The following AGBL4 variants were observed in gnomAD, a reference collection of about 807,000 sequenced individuals.
AGBL4 encodes cytosolic carboxypeptidase 6.
AGBL4 carries 58 observed loss-of-function variants against 66.4 expected under a neutral mutation model. The observed-to-expected ratio is 0.87, with a 90% confidence interval of 0.71 to 1.09. AGBL4 has a LOEUF of 1.09. AGBL4 is among the 50% of genes least tolerant of loss of function. The probability of loss-of-function intolerance (pLI) is 0.00; values close to 1 mark genes in which losing one functional copy is unlikely to be tolerated. For synonymous variants in AGBL4, 234 were observed against 222.9 expected (o/e 1.05, Z -0.44); for missense variants, 579 against 631.0 (o/e 0.92, Z 0.88).
chr1:49,411,488 C>T (rs1645314035), intron 3 of AGBL4, among the ~76,000 whole-genome samples: 1 of 152,130 alleles, frequency 6.6e-6, no homozygotes, highest in Non-Finnish European at 1.5e-5. Flanking sequence ...TCTAGGCATC[C>T]TTCAATCCAA....
intron 4 of AGBL4, among the ~76,000 whole-genome samples, chr1:49,055,164 A>G (rs1644287273): frequency 6.6e-6 from 1 of 151,976 alleles, no homozygotes; most frequent in Non-Finnish European, 1.5e-5. Context: ...TTAATTGTAC[A>G]TTTATATGTT....
At chr1:49,396,922 G>A (rs181348840) in intron 3 of AGBL4, among the ~76,000 whole-genome samples, 44 of 152,270 alleles carry the variant, frequency 2.9e-4, no homozygotes, top group African/African-American at 9.9e-4. Context: ...GACCAGTTTC[G>A]TGGGAGACAA....
At chr1:49,847,944 G>A (rs779798232) in intron 2 of AGBL4, among the ~76,000 whole-genome samples, 4 of 152,112 alleles carry the variant, frequency 2.6e-5, no homozygotes, top group East Asian at 1.9e-4. Flanking sequence ...CTCGTGATCC[G>A]CCCGCCTGGG....
chr1:48,531,067 G>A (rs1195585127), downstream of AGBL4, among the ~76,000 whole-genome samples: 2 of 152,140 alleles, frequency 1.3e-5, no homozygotes, highest in Non-Finnish European at 2.9e-5. Flanking sequence ...AAGCTAAGCA[G>A]GCCAAGACCA....
At chr1:48,861,804 A>G (rs1647498617) in intron 6 of AGBL4, among the ~76,000 whole-genome samples, 1 of 152,236 alleles carries the variant, frequency 6.6e-6, no homozygotes, top group African/African-American at 2.4e-5. Flanking sequence ...GGGAGTAGCC[A>G]GAATGAATAT....
intron 6 of AGBL4, among the ~76,000 whole-genome samples, chr1:48,697,227 A>G (rs1646725877): frequency 1.3e-5 from 2 of 152,208 alleles, no homozygotes. Context: ...ATCTTTGGAC[A>G]TCACCAAAGC....
chr1:49,144,157 G>C (rs959044522), intron 4 of AGBL4, among the ~76,000 whole-genome samples: 1 of 152,112 alleles, frequency 6.6e-6, no homozygotes, highest in African/African-American at 2.4e-5. Context: ...CTGTTAACTT[G>C]CTCTATCCTA....
chr1:49,711,681 C>G (rs994301585), intron 2 of AGBL4, among the ~76,000 whole-genome samples: 1 of 151,964 alleles, frequency 6.6e-6, no homozygotes, highest in African/African-American at 2.4e-5. Context: ...CAAAATACAT[C>G]AAATTTTACA....
intron 2 of AGBL4, among the ~76,000 whole-genome samples, chr1:49,813,619 C>T (rs967716105): frequency 4.6e-5 from 7 of 152,016 alleles, no homozygotes; most frequent in Admixed American, 1.3e-4. Flanking sequence ...CCATTATGTA[C>T]AAAACACTGT....
intron 4 of AGBL4, among the ~76,000 whole-genome samples, chr1:49,154,996 A>G (rs1238376382): frequency 6.6e-6 from 1 of 152,170 alleles, no homozygotes; most frequent in Non-Finnish European, 1.5e-5. Flanking sequence ...TGCCCATCTG[A>G]TGCTAAACAT....
intron 2 of AGBL4, among the ~76,000 whole-genome samples, chr1:49,776,714 T>A (rs1317904489): frequency 6.6e-6 from 1 of 152,138 alleles, no homozygotes; most frequent in African/African-American, 2.4e-5. Context: ...CCCTAATATA[T>A]CCTGTTAGTG....
intron 1 of AGBL4, among the ~76,000 whole-genome samples, chr1:49,945,787 C>T (rs1281546151): frequency 6.6e-6 from 1 of 152,090 alleles, no homozygotes; most frequent in East Asian, 1.9e-4. Flanking sequence ...GATAAGAATT[C>T]ATCAACTAAC....
chr1:49,166,122 G>A (rs1646629611), intron 4 of AGBL4, among the ~76,000 whole-genome samples: 1 of 152,080 alleles, frequency 6.6e-6, no homozygotes, highest in South Asian at 2.1e-4. Flanking sequence ...TCACATCCCT[G>A]CCTGGGAAAT....
At chr1:49,687,468 G>T (rs1475542491) in intron 3 of AGBL4, among the ~76,000 whole-genome samples, 3 of 152,012 alleles carry the variant, frequency 2.0e-5, no homozygotes, top group African/African-American at 7.2e-5. Flanking sequence ...AATAGAAGCC[G>T]ACTTGAAAGA....
chr1:49,678,358 A>G (rs1476043831), intron 3 of AGBL4, among the ~76,000 whole-genome samples: 1 of 152,046 alleles, frequency 6.6e-6, no homozygotes, highest in Non-Finnish European at 1.5e-5. Context: ...TGTTTTCATC[A>G]GCCATACTGC....
At chr1:49,751,612 A>G (rs1455981105) in intron 2 of AGBL4, among the ~76,000 whole-genome samples, 1 of 152,126 alleles carries the variant, frequency 6.6e-6, no homozygotes. Context: ...ATTAGGGAGG[A>G]GTACCTCTTG....
chr1:49,995,472 C>A, intron 1 of AGBL4: 1 of 357,354 alleles, frequency 2.8e-6, no homozygotes. Context: ...CAACCCCATA[C>A]CCCACAGGGG....
At chr1:48,728,950 T>C (rs1382407472) in intron 6 of AGBL4, among the ~76,000 whole-genome samples, 1 of 152,202 alleles carries the variant, frequency 6.6e-6, no homozygotes, top group Non-Finnish European at 1.5e-5. Context: ...GGCCACTCTC[T>C]TACTGAGTCC....
At chr1:48,832,541 G>C (rs1360530855) in intron 6 of AGBL4, among the ~76,000 whole-genome samples, 2 of 152,120 alleles carry the variant, frequency 1.3e-5, no homozygotes, top group Non-Finnish European at 2.9e-5. Context: ...GGGTAGCTCA[G>C]AGCCTGGCAC....
Sources: allele counts gnomAD v4.1 joint callset (sites outside exome capture counted in the v4.1 genomes callset), GRCh38; gene constraint gnomAD v4.1.1; transcripts MANE v1.5; gene names NCBI Gene and HGNC (gene_info 2026-07-23, HGNC 2026-07-21).